The following MAGI3 variants were observed in gnomAD, a reference collection of about 807,000 sequenced individuals.
MAGI3 encodes membrane-associated guanylate kinase, WW and PDZ domain-containing protein 3.
Under a neutral mutation model 121.8 loss-of-function variants are expected in MAGI3, and 43 were observed. That is an observed-to-expected ratio of 0.35 (90% CI 0.28 to 0.46). The LOEUF (loss-of-function observed/expected upper bound fraction) is 0.46. MAGI3 is among the 20% of genes least tolerant of loss of function. MAGI3 has a pLI of 1.00. For missense variants in MAGI3, 1,547 were observed against 1,797.3 expected (o/e 0.86, Z 2.52); for synonymous variants, 553 against 639.3 (o/e 0.86, Z 2.04).
chr1:113,550,386 G>A (rs570534179), intron 2 of MAGI3, among the ~76,000 whole-genome samples: 68 of 149,050 alleles, frequency 4.6e-4, no homozygotes, highest in Admixed American at 3.3e-4. Context: ...ACTGCAGTCC[G>A]GCCTGGGTGA....
intron 7 of MAGI3, among the ~76,000 whole-genome samples, chr1:113,615,609 TGC>T (rs1182070016): frequency 1.3e-5 from 2 of 152,222 alleles, no homozygotes; most frequent in Non-Finnish European, 2.9e-5. Flanking sequence ...TATTCTATTG[TGC>T]AGGTTGTTAC....
chr1:113,472,205 T>G (rs1039215476), intron 1 of MAGI3, among the ~76,000 whole-genome samples: 4 of 128,826 alleles, frequency 3.1e-5, no homozygotes, highest in Non-Finnish European at 4.8e-5. Context: ...ATAGATCTTG[T>G]TTTTTTTTTT....
chr1:113,574,827 C>T (rs1325601951), intron 2 of MAGI3, among the ~76,000 whole-genome samples: 1 of 152,156 alleles, frequency 6.6e-6, no homozygotes, highest in Non-Finnish European at 1.5e-5. Context: ...GTATACCAGT[C>T]AATCATAGGT....
At chr1:113,493,273 A>G (rs919420595) in intron 1 of MAGI3, among the ~76,000 whole-genome samples, 1 of 152,234 alleles carries the variant, frequency 6.6e-6, no homozygotes, top group Non-Finnish European at 1.5e-5. Flanking sequence ...CAAACCTGAC[A>G]CAAACAAGCA....
rs534364110 is a variant in MAGI3 at position 113,398,518 on chromosome 1, T to G, written c.316+7169T>G. Among the ~76,000 whole-genome samples, 14 of 152,226 alleles carry G rather than the reference T, an allele frequency of 9.2e-5. No homozygotes were observed. In the South Asian group the frequency reaches 1.2e-3, roughly 14 times the overall value. ...ATTTTAGCCTCTTTGCTTTTGCTGG[T>G]TTTTTTGCACATAATTTGAAACACG... On this transcript the variant is annotated intron_variant, in intron 1 of 20. Transcript: ENST00000307546.
At chr1:113,495,796 CA>C (rs1343341304) in intron 1 of MAGI3, among the ~76,000 whole-genome samples, 1 of 152,114 alleles carries the variant, frequency 6.6e-6, no homozygotes, top group African/African-American at 2.4e-5. Flanking sequence ...GTAGTATAAA[CA>C]AATATTTATA....
chr1:113,399,442 A>G (rs1166275208), intron 1 of MAGI3, among the ~76,000 whole-genome samples: 1 of 152,168 alleles, frequency 6.6e-6, no homozygotes, highest in Non-Finnish European at 1.5e-5. Flanking sequence ...ACTACAGGAA[A>G]TGATCTCTTT....
At chr1:113,579,783 G>A (rs1031879947) in intron 2 of MAGI3, among the ~76,000 whole-genome samples, 2 of 152,148 alleles carry the variant, frequency 1.3e-5, no homozygotes, top group Non-Finnish European at 1.5e-5. Flanking sequence ...CAAGACGACT[G>A]ACTCTCAGAT....
At chr1:113,491,957 C>T (rs768200974) in intron 1 of MAGI3, among the ~76,000 whole-genome samples, 1 of 152,138 alleles carries the variant, frequency 6.6e-6, no homozygotes, top group Non-Finnish European at 1.5e-5. Flanking sequence ...AGAGTTGATA[C>T]CATTCCTACT....
chr1:113,557,163 T>C (rs1218459222), intron 2 of MAGI3, among the ~76,000 whole-genome samples: 3 of 151,996 alleles, frequency 2.0e-5, no homozygotes, highest in Non-Finnish European at 4.4e-5. Flanking sequence ...CAGCACAACA[T>C]AGTGGCTTTG....
At chr1:113,675,285 G>A (rs529610023) in intron 19 of MAGI3, among the ~76,000 whole-genome samples, 2 of 152,266 alleles carry the variant, frequency 1.3e-5, no homozygotes, top group South Asian at 4.1e-4. Flanking sequence ...GATAAGAGAT[G>A]CATATAAGTT....
intron 1 of MAGI3, among the ~76,000 whole-genome samples, chr1:113,415,793 G>A (rs1300229408): frequency 6.6e-6 from 1 of 151,822 alleles, no homozygotes; most frequent in Non-Finnish European, 1.5e-5. Context: ...GTTTTAGTAT[G>A]TTATCTCCTT....
intron 6 of MAGI3, among the ~76,000 whole-genome samples, chr1:113,602,187 CA>C (rs532228245): frequency 7.3e-4 from 111 of 152,050 alleles, no homozygotes; most frequent in Non-Finnish European, 1.3e-3. Flanking sequence ...CTAACCTGCA[CA>C]TTGTGCACAT....
At chr1:113,414,339 C>CT (rs1652181498) in intron 1 of MAGI3, among the ~76,000 whole-genome samples, 1 of 151,990 alleles carries the variant, frequency 6.6e-6, no homozygotes, top group Non-Finnish European at 1.5e-5. Flanking sequence ...CTAAAATTCT[C>CT]TTTTTTTGTT....
In MAGI3 at chr1:113,549,586, C is replaced by G. The variant is rs1476194879; in HGVS notation, c.388C>G (p.Leu130Val). 3.1e-6 allele frequency: 5 copies of G among 1,608,818 alleles called. No homozygotes were observed. The highest frequency in any genetic ancestry group is 3.4e-6 in the Non-Finnish European group (4 of 1,177,226). ...TCAAAAAGGATCAATTGACCACAAA[C>G]TGCAGCAAGTGATCAGAGATAATCT... ...QFQKGSIDHK[L>V]QQVIRDNLYL... The change falls in exon 2 of 21, where the codon CTG becomes GTG. Residue 130 changes from leucine (L) to valine (V), a missense_variant. Leu to Val is a conservative substitution (Grantham distance 32). Transcript: ENST00000307546.
chr1:113,403,696 T>C (rs1651527655), intron 1 of MAGI3: 1 of 152,174 alleles, frequency 6.6e-6, no homozygotes, highest in Non-Finnish European at 1.5e-5. Context: ...CATGACCTTG[T>C]GTACAAGCTG....
chr1:113,566,092 AT>A (rs1660424356), intron 2 of MAGI3, among the ~76,000 whole-genome samples: 2 of 152,240 alleles, frequency 1.3e-5, no homozygotes, highest in African/African-American at 2.4e-5. Context: ...TCCAGAAGGA[AT>A]TCCTACTTAG....
intron 6 of MAGI3, among the ~76,000 whole-genome samples, chr1:113,595,595 A>C (rs1253297175): frequency 6.6e-6 from 1 of 152,220 alleles, no homozygotes; most frequent in Non-Finnish European, 1.5e-5. Flanking sequence ...AGAGTTTTCT[A>C]GGAAGAAGCA....
chr1:113,418,848 C>G (rs918254302), intron 1 of MAGI3, among the ~76,000 whole-genome samples: 1 of 152,024 alleles, frequency 6.6e-6, no homozygotes, highest in African/African-American at 2.4e-5. Flanking sequence ...GACTAGTACA[C>G]TAAACTTTAG....
Sources: allele counts gnomAD v4.1 joint callset (sites outside exome capture counted in the v4.1 genomes callset), GRCh38; gene constraint gnomAD v4.1.1; transcripts MANE v1.5; gene names NCBI Gene and HGNC (gene_info 2026-07-23, HGNC 2026-07-21).